HIRA: variants seen among roughly 807,000 people sequenced by gnomAD.
HIRA encodes the protein histone cell cycle regulator.
In HIRA, 13 loss-of-function variants were observed where a neutral mutation model predicts 126.6. The ratio of observed to expected loss-of-function variants is 0.10; its 90% CI spans 0.07 to 0.16. The LOEUF is 0.16. Among genes scored for constraint, HIRA ranks in the 10% least tolerant of loss-of-function variants. The probability of loss-of-function intolerance (pLI) is 1.00; values close to 1 mark genes in which losing one functional copy is unlikely to be tolerated. For missense variants in HIRA, 834 were observed against 1,314.4 expected, an observed-to-expected ratio of 0.63 and a Z score of 5.65; for synonymous variants, 511 against 520.0, an observed-to-expected ratio of 0.98 and a Z score of 0.24.
intron 11 of HIRA, among the ~76,000 whole-genome samples, chr22:19,386,827 C>T (rs772432033): frequency 1.5e-4 from 23 of 152,206 alleles, no homozygotes; most frequent in Non-Finnish European, 3.1e-4. Flanking sequence ...GATACTCATT[C>T]CTTCATGGAA....
chr22:19,361,280 A>T lies in HIRA; in HGVS notation c.2042T>A (p.Leu681Gln), dbSNP rs754627009. ...CTGGGGGCTTGGAATTGGCAGCTTC[A>T]GTGCAAGTGCTGGTGCAGACAGACA... is the stretch of plus-strand genomic sequence containing the variant. ...AMCLSAPALALKLPIPSPQRA... is the reference protein window; with the variant it reads ...AMCLSAPALAQKLPIPSPQRA... The change falls in exon 17 of 25, where the codon CTG (leucine) becomes CAG (glutamine). Residue 681 changes from leucine to glutamine, a missense_variant. Leu to Gln is a moderately radical substitution (Grantham distance 113). Around this residue, in one of 5 missense-constraint regions of HIRA, gnomAD observed 468 missense variants for 574.2 expected, o/e 0.82. Coordinates refer to ENST00000263208, the MANE Select transcript of HIRA (RefSeq NM_003325.4). The T allele has an allele frequency of 6.2e-7, 1 of 1,614,232 alleles. No individual in the cohort carries two copies. The highest frequency in any genetic ancestry group is 8.5e-7 in the Non-Finnish European group (1 of 1,180,032).
intron 5 of HIRA, among the ~76,000 whole-genome samples, chr22:19,403,357 C>A (rs566868679): frequency 6.6e-6 from 1 of 152,238 alleles, no homozygotes; most frequent in Non-Finnish European, 1.5e-5. Flanking sequence ...TGCCTGTAAT[C>A]CCAGCACTTC....
chr22:19,367,368 A>ATT (rs34765416), intron 15 of HIRA, among the ~76,000 whole-genome samples: 1 of 138,870 alleles, frequency 7.2e-6, no homozygotes, highest in Non-Finnish European at 1.6e-5. Flanking sequence ...CCAATGTACC[A>ATT]TTTTTTTTTT....
intron 13 of HIRA, among the ~76,000 whole-genome samples, chr22:19,378,660 G>C (rs1477288207): frequency 6.6e-6 from 1 of 152,222 alleles, no homozygotes; most frequent in African/African-American, 2.4e-5. Context: ...AATACAAAGT[G>C]CCAGGACTCT....
At chr22:19,359,242 AG>A (rs1050601791) in intron 18 of HIRA, 93 bp downstream of exon 18, 2 of 1,329,026 alleles carry the variant, frequency 1.5e-6, no homozygotes, top group African/African-American at 3.1e-5. Context: ...TGGTGCTCCC[AG>A]GGTCATGCAC....
At chr22:19,385,922 T>G (rs2089122910) in intron 11 of HIRA, among the ~76,000 whole-genome samples, 186 bp from the exon 12 acceptor site, 1 of 152,212 alleles carries the variant, frequency 6.6e-6, no homozygotes, top group Non-Finnish European at 1.5e-5. Context: ...TGATGTCTCA[T>G]GCCCACCCTT....
chr22:19,388,361 G>A (rs2089146800), intron 10 of HIRA, 123 bp downstream of exon 10: 7 of 711,554 alleles, frequency 9.8e-6, no homozygotes, highest in East Asian at 5.4e-5. Context: ...CTTGGTCTGC[G>A]CTACTATGAC....
chr22:19,362,037 T>C, intron 15 of HIRA, 106 bp from the exon 16 acceptor site: 1 of 1,052,332 alleles, frequency 9.5e-7, no homozygotes, highest in Non-Finnish European at 1.4e-6. Context: ...CAACCTAGAA[T>C]TCTGTGTCCA....
At chr22:19,419,377 G>GA in intron 1 of HIRA, among the ~76,000 whole-genome samples, 1 of 152,054 alleles carries the variant, frequency 6.6e-6, no homozygotes. Flanking sequence ...TCTTTTCTTG[G>GA]ACTGTACCAG....
intron 5 of HIRA, chr22:19,405,584 A>T: frequency 2.3e-6 from 2 of 851,168 alleles, no homozygotes; most frequent in African/African-American, 3.7e-5. Flanking sequence ...GGGGAGACTG[A>T]ATGCAGCTGG....
rs782316343 is a variant in HIRA, at chr22:19,331,044, C to T, written c.*396G>A. 207 of 876,754 alleles carry T rather than the reference C, an allele frequency of 2.4e-4. No individual in the cohort carries two copies. Among genetic ancestry groups the T allele is most frequent in the Admixed American group, 5.1e-4 (14 of 27,470 alleles). 54.3% of individuals were successfully genotyped at this position (876,754 alleles called of 1,614,324 possible). A position where few individuals can be genotyped will look rare whatever the true frequency, so the allele number is the denominator to read the frequency against. On this transcript the variant is annotated 3_prime_UTR_variant, in exon 25 of 25. Coordinates refer to ENST00000263208, the MANE Select transcript of HIRA (RefSeq NM_003325.4). ...TAGGTCAGTCTGCTGTAATACCTAA[C>T]GCTTCCGGATTCTCTCTCACAAATG...
intron 24 of HIRA, among the ~76,000 whole-genome samples, chr22:19,345,539 T>C (rs1056644558): frequency 3.3e-5 from 5 of 152,190 alleles, no homozygotes; most frequent in Non-Finnish European, 7.3e-5. Flanking sequence ...TGGTTTTTTT[T>C]TATGGACCAG....
At chr22:19,409,327 A>C (rs1361953856) in intron 2 of HIRA, among the ~76,000 whole-genome samples, 1 of 149,914 alleles carries the variant, frequency 6.7e-6, no homozygotes, top group Non-Finnish European at 1.5e-5. Context: ...TCTGTCTCCC[A>C]GGCTGGAGTG....
intron 1 of HIRA, among the ~76,000 whole-genome samples, chr22:19,421,957 CCA>C (rs2146256907): frequency 6.6e-6 from 1 of 152,216 alleles, no homozygotes; most frequent in East Asian, 1.9e-4. Flanking sequence ...CAGGTGTGAG[CCA>C]CCATGCCCGG....
intron 24 of HIRA, among the ~76,000 whole-genome samples, chr22:19,334,522 C>T (rs1325747997): frequency 1.3e-5 from 2 of 151,100 alleles, no homozygotes; most frequent in Non-Finnish European, 2.9e-5. Flanking sequence ...CGCGGTGGCT[C>T]ACGCCTATAA....
chr22:19,416,266 T>C (rs118046810), intron 1 of HIRA, among the ~76,000 whole-genome samples: 4,667 of 152,264 alleles, frequency 0.031, 145 homozygotes, highest in South Asian at 0.13. Context: ...GAAGGAAACA[T>C]AGGGGAAAAG....
intron 1 of HIRA, among the ~76,000 whole-genome samples, chr22:19,411,164 G>A (rs1396228011): frequency 1.3e-5 from 2 of 152,234 alleles, no homozygotes; most frequent in Non-Finnish European, 2.9e-5. Context: ...AGCTGAGCAG[G>A]ACCAGCGCTG....
chr22:19,377,476 A>AGAACCCTGCCTAAGATG (rs2089030083), intron 14 of HIRA, among the ~76,000 whole-genome samples: 1 of 152,164 alleles, frequency 6.6e-6, no homozygotes, highest in Non-Finnish European at 1.5e-5. Context: ...CTCCCACAGG[A>AGAACCCTGCCTAAGATG]GAACCCTGCC....
intron 5 of HIRA, among the ~76,000 whole-genome samples, chr22:19,398,307 C>T (rs527914039): frequency 1.1e-4 from 17 of 152,344 alleles, no homozygotes; most frequent in African/African-American, 2.9e-4. Context: ...CAACTGAGGG[C>T]GTGGTTCAGA....
Sources: allele counts gnomAD v4.1 joint callset (sites outside exome capture counted in the v4.1 genomes callset), GRCh38; gene constraint gnomAD v4.1.1; regional missense constraint gnomAD v4.1.1; transcripts MANE v1.5; gene names NCBI Gene and HGNC (gene_info 2026-07-23, HGNC 2026-07-21).